The following DNAJB14 variants were observed in gnomAD, a reference collection of about 807,000 sequenced individuals.
DNAJB14 encodes the protein dnaJ homolog subfamily B member 14.
Under a neutral mutation model 48.4 loss-of-function variants are expected in DNAJB14, and 22 were observed. The observed-to-expected ratio is 0.45, with a 90% CI of 0.32 to 0.65. The LOEUF (loss-of-function observed/expected upper bound fraction) is 0.65, where lower values mean the gene tolerates loss of function less well. Ranked by LOEUF, DNAJB14 falls within the 30% of genes least tolerant of loss-of-function variation. The pLI, the probability that DNAJB14 is intolerant of heterozygous loss-of-function variation, is 0.03. For missense variants in DNAJB14, 319 were observed against 458.8 expected (o/e 0.70, Z 2.78); for synonymous variants, 142 against 158.7 (o/e 0.89, Z 0.79).
At chr4:99,938,103 A>T in intron 1 of DNAJB14, among the ~76,000 whole-genome samples, 1 of 67,002 alleles carries the variant, frequency 1.5e-5, no homozygotes, top group African/African-American at 9.0e-5. Context: ...AATACAAAAA[A>T]AAAAAAAAAA....
At chr4:99,918,961 T>C (rs1031605403) in intron 3 of DNAJB14, among the ~76,000 whole-genome samples, 1 of 152,148 alleles carries the variant, frequency 6.6e-6, no homozygotes, top group African/African-American at 2.4e-5. Context: ...CTAAGCTATC[T>C]AGTTAACCTT....
intron 3 of DNAJB14, 65 bp downstream of exon 3, chr4:99,922,975 C>G (rs1560739913): frequency 1.4e-5 from 20 of 1,477,124 alleles, no homozygotes; most frequent in African/African-American, 2.8e-5. Flanking sequence ...ACTTAATATT[C>G]TGAAACGCCG....
Position 99,930,545 on chromosome 4 carries a change from G to A in DNAJB14, c.210C>T (p.Gly70=), listed in dbSNP as rs760666436. The change falls in exon 2 of 8, where the codon GGC becomes GGT. Residue 70 remains glycine (G), a synonymous_variant. Coordinates refer to ENST00000442697, the MANE Select transcript of DNAJB14 (RefSeq NM_001031723.4). ...TTGTGCAATTAGGCTTGCTTTGATC[G>A]CCACTACCTGATGGTTTTCGGCAAT... ...SPHCRKPSGS[G]DQSKPNCTKD... The A allele has an allele frequency of 2.5e-5, 40 of 1,612,526 alleles. No individual in the cohort carries two copies. The Admixed American group carries it at 3.3e-4, about 13-fold the overall frequency.
At chr4:99,931,072 C>T (rs927748050) in intron 1 of DNAJB14, among the ~76,000 whole-genome samples, 1 of 152,148 alleles carries the variant, frequency 6.6e-6, no homozygotes, top group African/African-American at 2.4e-5. Flanking sequence ...GAGTTATGCA[C>T]TAATTTCCCA....
intron 1 of DNAJB14, among the ~76,000 whole-genome samples, chr4:99,939,662 A>T (rs1726819446): frequency 6.6e-6 from 1 of 152,194 alleles, no homozygotes; most frequent in Admixed American, 6.5e-5. Flanking sequence ...AGCTCATACT[A>T]CACAGTCTTT....
intron 1 of DNAJB14, among the ~76,000 whole-genome samples, chr4:99,940,527 G>A (rs1048584645): frequency 1.3e-5 from 2 of 152,188 alleles, no homozygotes; most frequent in African/African-American, 4.8e-5. Context: ...GGAGGCGGAG[G>A]TTGCGGTGAG....
At chr4:99,903,961 C>G (rs1431838552) in intron 6 of DNAJB14, 63 bp from the exon 7 acceptor site, 29 of 1,482,402 alleles carry the variant, frequency 2.0e-5, no homozygotes, top group African/African-American at 5.7e-5. Context: ...TGCTATAAAC[C>G]AAGCAAACAA....
At chr4:99,943,396 TC>T (rs1726949045) in intron 1 of DNAJB14, among the ~76,000 whole-genome samples, 1 of 152,212 alleles carries the variant, frequency 6.6e-6, no homozygotes, top group Admixed American at 6.5e-5. Flanking sequence ...TGCTTTGGTA[TC>T]TTATAATATC....
chr4:99,944,557 T>C (rs1235971038), intron 1 of DNAJB14, among the ~76,000 whole-genome samples: 1 of 151,786 alleles, frequency 6.6e-6, no homozygotes, highest in Non-Finnish European at 1.5e-5. Context: ...TTTTTTACTG[T>C]AGCTTTTTTT....
Position 99,897,722 on chromosome 4 carries a change from T to A in DNAJB14, c.*3306A>T, listed in dbSNP as rs1005643026. ...AATAAAGATTTATTGTTGATTTTCA[T>A]TAGTTTTTCTGTTCAGATAAGAAAA... On this transcript the variant is annotated 3_prime_UTR_variant, in exon 8 of 8. Transcript: ENST00000442697. 3 of 152,116 alleles carry A rather than the reference T, an allele frequency of 2.0e-5. No individual in the cohort carries two copies. The highest frequency in any genetic ancestry group is 6.5e-5 in the Admixed American group (1 of 15,292). 9.4% of individuals were successfully genotyped at this position (152,116 alleles called of 1,614,324 possible). A position where few individuals can be genotyped will look rare whatever the true frequency, so the allele number is the denominator to read the frequency against.
At chr4:99,945,320 G>C (rs1294772454) in intron 1 of DNAJB14, among the ~76,000 whole-genome samples, 2 of 152,160 alleles carry the variant, frequency 1.3e-5, no homozygotes, top group African/African-American at 2.4e-5. Context: ...AAAGCAAAGA[G>C]CACAGGGCTT....
rs201606258 is a variant in DNAJB14, at chr4:99,908,836, G to A, written c.512C>T (p.Thr171Met). The change falls in exon 4 of 8, where the codon ACG becomes ATG. Residue 171 changes from threonine (T) to methionine (M), a missense_variant. Coordinates refer to ENST00000442697, the MANE Select transcript of DNAJB14 (RefSeq NM_001031723.4). ...NPEKRKQYDL[T>M]GNEEQACNHQ... ...GTTACATGCTTGTTCTTCATTGCCCGTGAGGTCATACTGTTTTCGCTTTTC... is the reference window on the plus strand; with the variant it reads ...GTTACATGCTTGTTCTTCATTGCCCATGAGGTCATACTGTTTTCGCTTTTC... 1.4e-4 allele frequency: 225 copies of A among 1,608,182 alleles called. No homozygotes were observed. Among genetic ancestry groups the A allele is most frequent in the South Asian group, 2.0e-4 (18 of 90,188 alleles).
intron 1 of DNAJB14, among the ~76,000 whole-genome samples, chr4:99,946,158 G>A (rs1386123812): frequency 6.6e-6 from 1 of 152,236 alleles, no homozygotes; most frequent in Non-Finnish European, 1.5e-5. Flanking sequence ...GTCTCCTCCA[G>A]GGAGAATGAA....
rs1233477774 is a variant in DNAJB14, at chr4:99,896,491, T to C, written c.*4537A>G. The C allele has an allele frequency of 6.6e-6, 1 of 152,218 alleles. No individual in the cohort carries two copies. Among genetic ancestry groups the C allele is most frequent in the African/African-American group, 2.4e-5 (1 of 41,460 alleles). 9.4% of individuals were successfully genotyped at this position (152,218 alleles called of 1,614,324 possible). A position where few individuals can be genotyped will look rare whatever the true frequency, so the allele number is the denominator to read the frequency against. On this transcript the variant is annotated 3_prime_UTR_variant, in exon 8 of 8. Coordinates refer to ENST00000442697, the MANE Select transcript of DNAJB14 (RefSeq NM_001031723.4). ...AGTAAGCTCTCCTTTACCAATTTCA[T>C]TTAACTTATACAAGGCTTCCATTAT...
At chr4:99,901,756 T>C (rs927931195) in intron 7 of DNAJB14, among the ~76,000 whole-genome samples, 4 of 152,078 alleles carry the variant, frequency 2.6e-5, no homozygotes, top group Admixed American at 6.6e-5. Context: ...AGACTACAAA[T>C]CAAAATTCTT....
In DNAJB14 at chr4:99,906,514, T is replaced by C. The variant is rs1198919823; in HGVS notation, c.732+3A>G. 2 of 1,610,676 alleles carry C rather than the reference T, an allele frequency of 1.2e-6. No homozygotes were observed. The highest frequency in any genetic ancestry group is 2.7e-5 in the African/African-American group (2 of 74,800). ...ATTTTGTGATTTCTAGTCATAAACG[T>C]ACATCTCCTCTTTCCTCTTCTCTTT... On this transcript the variant is annotated splice_donor_region_variant and intron_variant, in intron 5 of 7. Coordinates refer to ENST00000442697, the MANE Select transcript of DNAJB14 (RefSeq NM_001031723.4).
chr4:99,924,594 T>C, intron 2 of DNAJB14: 1 of 705,878 alleles, frequency 1.4e-6, no homozygotes, highest in Non-Finnish European at 2.1e-6. Flanking sequence ...GTCAATAATA[T>C]TTATTGAATA....
At position 99,896,372 on chromosome 4, in the gene DNAJB14, A is replaced by C. The variant is rs558923322; in HGVS notation, c.*4656T>G. On this transcript the variant is annotated 3_prime_UTR_variant, in exon 8 of 8. Coordinates refer to ENST00000442697, the MANE Select transcript of DNAJB14 (RefSeq NM_001031723.4). ...CAAATGCATTTGAGTTCTCACAGAA[A>C]ATTTTATGTAAGTCTGATATAACAT... 1.2e-4 allele frequency: 18 copies of C among 152,322 alleles called. No homozygotes were observed. In the South Asian group the frequency reaches 3.5e-3, roughly 30 times the overall value. The allele number at this position is 152,322 out of a possible 1,614,324, so 9.4% of individuals were successfully genotyped here.
chr4:99,913,386 A>G (rs1725734834), intron 3 of DNAJB14, among the ~76,000 whole-genome samples: 1 of 152,158 alleles, frequency 6.6e-6, no homozygotes, highest in African/African-American at 2.4e-5. Flanking sequence ...TTTATCATGA[A>G]TGGGTGGTGA....
Sources: allele counts gnomAD v4.1 joint callset (sites outside exome capture counted in the v4.1 genomes callset), GRCh38; gene constraint gnomAD v4.1.1; transcripts MANE v1.5; gene names NCBI Gene and HGNC (gene_info 2026-07-23, HGNC 2026-07-21).